The following ABCC4 variants were observed in gnomAD, a reference collection of about 807,000 sequenced individuals.
ABCC4 encodes ATP binding cassette subfamily C member 4 (PEL blood group), also known as ATP-binding cassette sub-family C member 4.
ABCC4 carries 102 observed loss-of-function variants against 168.5 expected under a neutral mutation model. That is an observed-to-expected ratio of 0.61 (90% CI 0.52 to 0.71). ABCC4 has a LOEUF of 0.71. ABCC4 is among the 30% of genes least tolerant of loss of function. ABCC4 has a pLI of 0.00. For synonymous variants in ABCC4, 617 were observed against 590.7 expected (o/e 1.04, Z -0.65); for missense variants, 1,402 against 1,605.8 (o/e 0.87, Z 2.17).
chr13:95,246,972 T>C lies in ABCC4; in HGVS notation c.306+3A>G. The C allele has an allele frequency of 6.2e-7, 1 of 1,611,066 alleles. No homozygotes were observed. Among genetic ancestry groups the C allele is most frequent in the Non-Finnish European group, 8.5e-7 (1 of 1,178,402 alleles). Reference sequence around the variant, plus strand: ...ACAATTCATGGTATGTAAAAGCTTTTACCTCAATTAACGTAAAAATTCCCA... The same window carrying C: ...ACAATTCATGGTATGTAAAAGCTTTCACCTCAATTAACGTAAAAATTCCCA... On this transcript the variant is annotated splice_donor_region_variant and intron_variant, in intron 3 of 30. Transcript: ENST00000645237.
chr13:95,245,090 C>G (rs1270337945), intron 3 of ABCC4, among the ~76,000 whole-genome samples: 3 of 152,196 alleles, frequency 2.0e-5, no homozygotes, highest in African/African-American at 7.2e-5. Context: ...CTCCCAAAAG[C>G]TTACCCAAAT....
Position 95,280,155 on chromosome 13 carries a change from A to G in ABCC4, c.74+21086T>C, listed in dbSNP as rs140675601. ...GAGAAGTAGCATTTGATGTCAGGGAATCAAAAGGGCTAAGGCTCGGGAGGC... is the reference window on the plus strand; with the variant it reads ...GAGAAGTAGCATTTGATGTCAGGGAGTCAAAAGGGCTAAGGCTCGGGAGGC... On this transcript the variant is annotated intron_variant, in intron 1 of 30. Transcript: ENST00000645237. 2.0e-3 allele frequency among the ~76,000 whole-genome samples: 309 copies of G among 152,176 alleles called. 1 individual carries two copies. The highest frequency in any genetic ancestry group is 7.1e-3 in the African/African-American group (293 of 41,522).
chr13:95,282,627 C>T lies in ABCC4; in HGVS notation c.74+18614G>A, dbSNP rs544838269. On this transcript the variant is annotated intron_variant, in intron 1 of 30. Coordinates refer to ENST00000645237, the MANE Select transcript of ABCC4 (RefSeq NM_005845.5). ...TCGACTCACTGCAACCTCTGCCTCC[C>T]GGGTTCAAACAATTCTCCTGCCTCA... Among the ~76,000 whole-genome samples, 5 of 152,010 alleles carry T rather than the reference C, an allele frequency of 3.3e-5. No individual in the cohort carries two copies. In the South Asian group the frequency reaches 8.3e-4, roughly 25 times the overall value.
At chr13:95,156,798 A>G (rs2036873534) in intron 19 of ABCC4, among the ~76,000 whole-genome samples, 1 of 152,140 alleles carries the variant, frequency 6.6e-6, no homozygotes, top group African/African-American at 2.4e-5. Flanking sequence ...ACGAGAAAGG[A>G]AAACCGGCTC....
At chr13:95,041,749 T>G (rs1426525240) in intron 29 of ABCC4, among the ~76,000 whole-genome samples, 1 of 152,076 alleles carries the variant, frequency 6.6e-6, no homozygotes, top group Non-Finnish European at 1.5e-5. Flanking sequence ...GTATTTATGG[T>G]GTTCCCCCGA....
At chr13:95,232,602 G>A (rs906992253) in intron 4 of ABCC4, among the ~76,000 whole-genome samples, 7 of 151,854 alleles carry the variant, frequency 4.6e-5, no homozygotes, top group South Asian at 4.2e-4. Flanking sequence ...GCTTGAACCC[G>A]GGAGGTGGAG....
intron 13 of ABCC4, among the ~76,000 whole-genome samples, chr13:95,175,373 C>T (rs1299523697): frequency 7.9e-5 from 12 of 152,174 alleles, no homozygotes; most frequent in African/African-American, 2.4e-4. Flanking sequence ...AGTGCAATGG[C>T]GCTATCTCGG....
intron 29 of ABCC4, among the ~76,000 whole-genome samples, chr13:95,036,334 A>G (rs1432145292): frequency 2.6e-5 from 4 of 152,212 alleles, no homozygotes; most frequent in Non-Finnish European, 5.9e-5. Context: ...AAGACTTTAC[A>G]TAATGTTTAA....
At chr13:95,041,498 G>A (rs2139237256) in intron 29 of ABCC4, among the ~76,000 whole-genome samples, 1 of 152,306 alleles carries the variant, frequency 6.6e-6, no homozygotes. Context: ...ACTGCATGAT[G>A]ACAATAGTGT....
intron 19 of ABCC4, among the ~76,000 whole-genome samples, chr13:95,136,976 T>C (rs2036162596): frequency 6.6e-6 from 1 of 152,230 alleles, no homozygotes; most frequent in Non-Finnish European, 1.5e-5. Context: ...AGCAGGTTTA[T>C]GCAACATTTT....
intron 1 of ABCC4, among the ~76,000 whole-genome samples, chr13:95,282,776 G>T (rs2041159161): frequency 1.3e-5 from 2 of 151,754 alleles, no homozygotes; most frequent in Non-Finnish European, 1.5e-5. Flanking sequence ...CTTGTGATCT[G>T]CCCACCTTGG....
chr13:95,123,201 C>A (rs1250852805), intron 19 of ABCC4, among the ~76,000 whole-genome samples: 1 of 152,180 alleles, frequency 6.6e-6, no homozygotes, highest in Non-Finnish European at 1.5e-5. Flanking sequence ...GTTTTCCTTC[C>A]TCTGGGTAAC....
chr13:95,036,773 T>C (rs998206655), intron 29 of ABCC4, among the ~76,000 whole-genome samples: 1 of 152,054 alleles, frequency 6.6e-6, no homozygotes, highest in African/African-American at 2.4e-5. Context: ...TCTTTAATAT[T>C]TTTTTGATAT....
intron 30 of ABCC4, among the ~76,000 whole-genome samples, chr13:95,024,504 T>A (rs1342086935): frequency 3.3e-5 from 5 of 152,216 alleles, no homozygotes; most frequent in African/African-American, 1.2e-4. Context: ...TAGATTTTAC[T>A]AAAATCAACA....
intron 19 of ABCC4, among the ~76,000 whole-genome samples, chr13:95,131,876 A>G (rs2035977167): frequency 6.7e-6 from 1 of 149,684 alleles, no homozygotes; most frequent in Admixed American, 6.6e-5. Context: ...AGGTGCAATG[A>G]AAAAAAAAAT....
chr13:95,194,481 T>C (rs2139643205), intron 9 of ABCC4, among the ~76,000 whole-genome samples: 1 of 152,372 alleles, frequency 6.6e-6, no homozygotes, highest in East Asian at 1.9e-4. Context: ...CGTAATAATC[T>C]ACAATGTACT....
intron 25 of ABCC4, among the ~76,000 whole-genome samples, chr13:95,068,223 G>A (rs2139300341): frequency 6.6e-6 from 1 of 152,314 alleles, no homozygotes; most frequent in South Asian, 2.1e-4. Flanking sequence ...GTGTGGAGGA[G>A]ACGAACCCTG....
intron 27 of ABCC4, among the ~76,000 whole-genome samples, chr13:95,045,834 A>G (rs562393852): frequency 2.5e-3 from 381 of 152,338 alleles, no homozygotes; most frequent in African/African-American, 8.9e-3. Flanking sequence ...AAAAGCCAAG[A>G]GTAAACGGGT....
At chr13:95,078,042 T>G (rs1252793012) in intron 21 of ABCC4, among the ~76,000 whole-genome samples, 3 of 152,138 alleles carry the variant, frequency 2.0e-5, no homozygotes, top group Non-Finnish European at 4.4e-5. Flanking sequence ...TGGGGCTCTT[T>G]CCTGACTGAT....
Sources: gnomAD v4.1 joint callset for allele counts (sites outside exome capture counted in the v4.1 genomes callset) on GRCh38, gnomAD v4.1.1 for gene constraint, MANE v1.5 for transcripts, NCBI Gene and HGNC (gene_info 2026-07-23, HGNC 2026-07-21) for gene names.